ARHGEF18: variants seen among roughly 807,000 people sequenced by gnomAD.
ARHGEF18 encodes the protein Rho/Rac guanine nucleotide exchange factor 18.
ARHGEF18 carries 93 observed loss-of-function variants against 155.7 expected under a neutral mutation model. The observed-to-expected ratio is 0.60, with a 90% CI of 0.50 to 0.71. The LOEUF (loss-of-function observed/expected upper bound fraction) is 0.71, where lower values mean the gene tolerates loss of function less well. Ranked by LOEUF, ARHGEF18 falls within the 30% of genes least tolerant of loss-of-function variation. The pLI, the probability that ARHGEF18 is intolerant of heterozygous loss-of-function variation, is 0.00. For missense variants in ARHGEF18, 1,593 were observed against 1,816.1 expected (o/e 0.88, Z 2.23); for synonymous variants, 742 against 753.1 (o/e 0.99, Z 0.24).
chr19:7,441,706 A>C lies in ARHGEF18; in HGVS notation c.1160A>C (p.Gln387Pro). ...GATTCTGCGTTTTTAAAATTTAAGC[A>C]GACAGCTGATGACTCTCTGTCCCTT... ...EADSAFLKFKQTADDSLSLTS... is the reference protein window; with the variant it reads ...EADSAFLKFKPTADDSLSLTS... The change falls in exon 12 of 29, where the codon CAG becomes CCG. Residue 387 changes from glutamine (Q) to proline (P), a missense_variant. Coordinates refer to ENST00000668164, the MANE Select transcript of ARHGEF18 (RefSeq NM_001367823.1). 1 of 1,614,252 alleles carries C rather than the reference A, an allele frequency of 6.2e-7. No homozygotes were observed. The highest frequency in any genetic ancestry group is 8.5e-7 in the Non-Finnish European group (1 of 1,180,052).
chr19:7,453,868 ACT>A (rs1454816318), intron 17 of ARHGEF18, among the ~76,000 whole-genome samples, 153 bp downstream of exon 17: 5 of 150,174 alleles, frequency 3.3e-5, no homozygotes, highest in Admixed American at 3.3e-4. Flanking sequence ...ATTGGTGGGT[ACT>A]CTCTTGATTG....
At chr19:7,457,667 A>T (rs1234063359) in intron 18 of ARHGEF18, among the ~76,000 whole-genome samples, 2 of 151,796 alleles carry the variant, frequency 1.3e-5, no homozygotes, top group African/African-American at 4.8e-5. Context: ...CCGCACATTA[A>T]TCACCTCTTT....
intron 8 of ARHGEF18, among the ~76,000 whole-genome samples, chr19:7,382,390 G>A (rs1403347758): frequency 1.5e-5 from 2 of 136,650 alleles, no homozygotes; most frequent in African/African-American, 5.4e-5. Context: ...GTGAGACTCT[G>A]TCTCAAAATA....
At chr19:7,408,226 C>G (rs1972457693) in intron 10 of ARHGEF18, among the ~76,000 whole-genome samples, 1 of 151,876 alleles carries the variant, frequency 6.6e-6, no homozygotes, top group Non-Finnish European at 1.5e-5. Flanking sequence ...TGCAGTGAGC[C>G]GAAATCGCAC....
At chr19:7,400,670 C>CA (rs1399214023) in intron 10 of ARHGEF18, among the ~76,000 whole-genome samples, 3 of 152,048 alleles carry the variant, frequency 2.0e-5, no homozygotes, top group Non-Finnish European at 4.4e-5. Flanking sequence ...CCTATCTCTA[C>CA]AAAAAATTGA....
intron 16 of ARHGEF18, among the ~76,000 whole-genome samples, chr19:7,452,935 C>T (rs571064424): frequency 6.6e-6 from 1 of 152,052 alleles, no homozygotes; most frequent in African/African-American, 2.4e-5. Context: ...GTGGCTTATG[C>T]CTGTAATCCC....
intron 1 of ARHGEF18, among the ~76,000 whole-genome samples, chr19:7,360,018 G>C (rs1354712536): frequency 6.6e-6 from 1 of 152,072 alleles, no homozygotes; most frequent in Non-Finnish European, 1.5e-5. Context: ...AGCTGGACAT[G>C]GTGGTACACA....
In ARHGEF18 at chr19:7,359,417, C is replaced by A. The variant is rs72486369; in HGVS notation, c.-110-3364C>A. Among the ~76,000 whole-genome samples, 660 of 152,132 alleles carry A rather than the reference C, an allele frequency of 4.3e-3. 30 individuals carry two copies. In the East Asian group the frequency reaches 0.11, roughly 24 times the overall value. On this transcript the variant is annotated intron_variant, in intron 1 of 28. Transcript: ENST00000668164. ...TCATAATATTGGAATCAGGACACAG[C>A]CTATGACATCAGGATTGGAGCTCAG... is the stretch of plus-strand genomic sequence containing the variant.
intron 1 of ARHGEF18, among the ~76,000 whole-genome samples, chr19:7,358,967 C>A (rs2145328656): frequency 6.6e-6 from 1 of 152,294 alleles, no homozygotes; most frequent in East Asian, 1.9e-4. Context: ...CATGGATCAG[C>A]AAACCTTTTC....
At chr19:7,361,024 G>A (rs1969525460) in intron 1 of ARHGEF18, among the ~76,000 whole-genome samples, 1 of 152,168 alleles carries the variant, frequency 6.6e-6, no homozygotes, top group Admixed American at 6.6e-5. Context: ...GGAAACTGAA[G>A]CTTCAGGCCC....
At chr19:7,473,024 G>A (rs1357240278), downstream of ARHGEF18, 1 of 456,202 alleles carries the variant, frequency 2.2e-6, no homozygotes, top group Non-Finnish European at 4.4e-6. Flanking sequence ...GGAGGGTCCT[G>A]CCCACCGGGT....
chr19:7,453,212 C>A (rs573584168), intron 16 of ARHGEF18, among the ~76,000 whole-genome samples: 10 of 151,828 alleles, frequency 6.6e-5, no homozygotes, highest in African/African-American at 9.7e-5. Context: ...CCCTCCCCCC[C>A]CCAAAAAAAA....
At chr19:7,467,034 C>T (rs370462909) in intron 24 of ARHGEF18, 37 bp from the exon 25 acceptor site, 50 of 1,611,046 alleles carry the variant, frequency 3.1e-5, no homozygotes, top group Non-Finnish European at 2.8e-5. Context: ...TGGCCTCAGC[C>T]CGATAACTAG....
intron 15 of ARHGEF18, among the ~76,000 whole-genome samples, chr19:7,450,901 C>CGGGTT (rs1568348319): frequency 7.0e-5 from 1 of 14,224 alleles, no homozygotes; most frequent in African/African-American, 2.7e-4. Context: ...TCTTGCTGTA[C>CGGGTT]CTTTCTGAGA....
chr19:7,451,607 G>T (rs996834599), intron 16 of ARHGEF18, among the ~76,000 whole-genome samples: 1 of 151,738 alleles, frequency 6.6e-6, no homozygotes. Context: ...TAGAGATGGG[G>T]TCTCGCTGTG....
chr19:7,407,691 G>A (rs1271047428), intron 10 of ARHGEF18, among the ~76,000 whole-genome samples: 2 of 152,044 alleles, frequency 1.3e-5, no homozygotes, highest in Non-Finnish European at 1.5e-5. Flanking sequence ...TAGGCCAGGG[G>A]CCAGCAAATT....
At chr19:7,411,999 G>A (rs12974783) in intron 10 of ARHGEF18, among the ~76,000 whole-genome samples, 80,492 of 151,428 alleles carry the variant, frequency 0.53, 22,128 homozygotes, top group Middle Eastern at 0.74. Flanking sequence ...ATCTATACAT[G>A]CACACTTATT....
intron 10 of ARHGEF18, among the ~76,000 whole-genome samples, chr19:7,414,474 G>A (rs1412829954): frequency 3.3e-5 from 5 of 151,906 alleles, no homozygotes; most frequent in South Asian, 4.2e-4. Flanking sequence ...TCAGGAGTTC[G>A]AGACCAGCCT....
intron 1 of ARHGEF18, among the ~76,000 whole-genome samples, chr19:7,362,292 G>A (rs1372543762): frequency 6.7e-6 from 1 of 148,154 alleles, no homozygotes; most frequent in African/African-American, 2.5e-5. Flanking sequence ...AAGAGGAGGA[G>A]GAAGAAGGAG....
Sources: allele counts gnomAD v4.1 joint callset (sites outside exome capture counted in the v4.1 genomes callset), GRCh38; gene constraint gnomAD v4.1.1; transcripts MANE v1.5; gene names NCBI Gene and HGNC (gene_info 2026-07-23, HGNC 2026-07-21).